The following NOTCH4 variants were observed in gnomAD, a reference collection of about 807,000 sequenced individuals.
NOTCH4 encodes notch receptor 4.
A neutral mutation model predicts 189.0 loss-of-function variants in NOTCH4; 138 were observed. The observed-to-expected ratio is 0.73, with a 90% CI of 0.64 to 0.84. The LOEUF is 0.84. Among genes scored for constraint, NOTCH4 ranks in the 40% least tolerant of loss-of-function variants. The pLI is 0.00. For missense variants in NOTCH4, 2,286 were observed against 2,605.4 expected, an observed-to-expected ratio of 0.88 and a Z score of 2.67; for synonymous variants, 942 against 1,032.8, an observed-to-expected ratio of 0.91 and a Z score of 1.69.
chr6:32,200,471 C>T lies in NOTCH4; in HGVS notation c.4315+360G>A, dbSNP rs999055225. 4.6e-5 allele frequency among the ~76,000 whole-genome samples: 7 copies of T among 152,138 alleles called. No homozygotes were observed. Among genetic ancestry groups the T allele is most frequent in the African/African-American group, 1.7e-4 (7 of 41,412 alleles). On this transcript the variant is annotated intron_variant, in intron 23 of 29. Transcript: ENST00000375023. This position sits in a 1 kb window ranked among gnomAD's most constrained non-coding sequence, Gnocchi z 5.0. ...TGATCCACCTGCCTTGGTCTCCCAACGTGCTGGGATTATAGGCATGAGCCA... is the reference window on the plus strand; with the variant it reads ...TGATCCACCTGCCTTGGTCTCCCAATGTGCTGGGATTATAGGCATGAGCCA...
At position 32,201,352 on chromosome 6, in the gene NOTCH4, C is replaced by G. The variant is rs760088986; in HGVS notation, c.3904G>C (p.Val1302Leu). 2 of 1,607,462 alleles carry G rather than the reference C, an allele frequency of 1.2e-6. No individual in the cohort carries two copies. Among genetic ancestry groups the G allele is most frequent in the Non-Finnish European group, 1.7e-6 (2 of 1,176,880 alleles). ...EWGPSLALLV[V>L]LSPPALDQQL... ...TGGTCTAGGGCTGGGGGGCTCAGTA[C>G]CACCAGCAGGGCCAGGGAGGGCCCC... The change falls in exon 22 of 30, where the codon GTA becomes CTA. Residue 1302 changes from valine (V) to leucine (L), a missense_variant. Around this residue, in one of 2 missense-constraint regions of NOTCH4, gnomAD observed 1,903 missense variants for 2,261.9 expected, o/e 0.84. Coordinates refer to ENST00000375023, the MANE Select transcript of NOTCH4 (RefSeq NM_004557.4). This position sits in a 1 kb window ranked among gnomAD's most constrained non-coding sequence, Gnocchi z 5.5.
Position 32,202,900 on chromosome 6 carries a change from A to ATAT in NOTCH4, c.3232-304_3232-302dup, listed in dbSNP as rs892532714. 2.9e-5 allele frequency: 8 copies of ATAT among 278,006 alleles called. No homozygotes were observed. Among genetic ancestry groups the ATAT allele is most frequent in the African/African-American group, 8.7e-5 (4 of 45,784 alleles). The allele number at this position is 278,006 out of a possible 1,614,324, so 17.2% of individuals were successfully genotyped here. A position where few individuals can be genotyped will look rare whatever the true frequency, so the allele number is the denominator to read the frequency against. On this transcript the variant is annotated intron_variant, in intron 20 of 29. Coordinates refer to ENST00000375023, the MANE Select transcript of NOTCH4 (RefSeq NM_004557.4). The surrounding 1 kb of genome is among the most constrained non-coding windows in gnomAD (Gnocchi z 5.7). The stretch of plus-strand genomic sequence containing the variant: ...ACTAAACAGTTAATAGAATGCTATT[A>ATAT]TATTATTATTATTATTATTTTTGAG...
At chr6:32,196,841 C>T in intron 28 of NOTCH4, 84 bp downstream of exon 28, 1 of 1,523,654 alleles carries the variant, frequency 6.6e-7, no homozygotes. Context: ...GAATGCCCCT[C>T]TGCTGCACCT....
intron 28 of NOTCH4, 106 bp from the exon 29 acceptor site, chr6:32,196,527 G>A (rs1787940405): frequency 1.4e-6 from 2 of 1,407,648 alleles, no homozygotes; most frequent in African/African-American, 2.9e-5. Flanking sequence ...GGGCCGGCTG[G>A]TCCCTCAAAG....
In NOTCH4 at chr6:32,204,309, G is replaced by T; in HGVS notation, c.2946C>A (p.Thr982=). 6.2e-7 allele frequency: 1 copy of T among 1,613,038 alleles called. No homozygotes were observed. The highest frequency in any genetic ancestry group is 8.5e-7 in the Non-Finnish European group (1 of 1,179,992). ...CQSQPCHNHG[T]CTPKPGGFHC... The stretch of plus-strand genomic sequence containing the variant: ...GGAATCCTCCAGGTTTGGGAGTACA[G>T]GTTCCATGGTTGTGACAGGGTTGGG... The change falls in exon 19 of 30, where the codon ACC becomes ACA. Residue 982 remains threonine, a synonymous_variant. Transcript: ENST00000375023.
chr6:32,222,913 T>C (rs1789880349), intron 2 of NOTCH4, 92 bp downstream of exon 2: 1 of 1,550,836 alleles, frequency 6.4e-7, no homozygotes, highest in African/African-American at 1.4e-5. Flanking sequence ...TCACTTCCTC[T>C]CTTTCTTCTT....
rs1325481269 is a variant in NOTCH4 at position 32,221,189 on chromosome 6, G to A, written c.588C>T (p.Asn196=). 1.1e-5 allele frequency: 18 copies of A among 1,613,114 alleles called. No homozygotes were observed. The highest frequency in any genetic ancestry group is 1.6e-4 in the Middle Eastern group (1 of 6,062). ...FEGHACERDV[N]ECFQDPGPCP... ...AGGGTCCTGGGTCCTGGAAGCACTC[G>A]TTGACATCACGTTCACAGGCATGGC... Residue 196 remains asparagine, a synonymous_variant, in exon 4 of 30, where the codon AAC becomes AAT. Transcript: ENST00000375023. This position sits in a 1 kb window ranked among gnomAD's most constrained non-coding sequence, Gnocchi z 4.3.
Position 32,195,722 on chromosome 6 carries a change from C to G in NOTCH4, c.5727G>C (p.Pro1909=). Reference sequence around the variant, plus strand: ...CAGAAAACCTACGGCCGCGAGGGGTCGGGCCTCCTCCTGCTCCTACTCCCG... The same window carrying G: ...CAGAAAACCTACGGCCGCGAGGGGTGGGGCCTCCTCCTGCTCCTACTCCCG... ...SLSGVGAGGG[P]TPRGRRFSAG... The change falls in exon 30 of 30, where the codon CCG becomes CCC. Residue 1909 remains proline (P), a synonymous_variant. Coordinates refer to ENST00000375023, the MANE Select transcript of NOTCH4 (RefSeq NM_004557.4). The surrounding 1 kb of genome is among the most constrained non-coding windows in gnomAD (Gnocchi z 5.4). 1.2e-6 allele frequency: 2 copies of G among 1,612,812 alleles called. No homozygotes were observed. The highest frequency in any genetic ancestry group is 1.7e-6 in the Non-Finnish European group (2 of 1,179,920).
intron 19 of NOTCH4, 23 bp from the exon 20 acceptor site, chr6:32,203,905 A>G: frequency 3.3e-6 from 5 of 1,538,410 alleles, no homozygotes; most frequent in African/African-American, 2.7e-5. Context: ...GGGAGATTAG[A>G]TGTCACACAC....
In NOTCH4 at chr6:32,220,872, A is replaced by G. The variant is rs1032973323; in HGVS notation, c.806T>C (p.Ile269Thr). 4 of 1,613,296 alleles carry G rather than the reference A, an allele frequency of 2.5e-6. No individual in the cohort carries two copies. The African/African-American group carries it at 4.0e-5, about 16-fold the overall frequency. Residue 269 changes from isoleucine (I) to threonine (T), a missense_variant, in exon 5 of 30, where the codon ATA becomes ACA. Physicochemically the swap from Ile to Thr is moderately conservative, Grantham distance 89. Transcript: ENST00000375023. ...FHLCLCPPGF[I>T]GPDCEVNPDN... is the part of the protein sequence containing the mutation. ...TGGATTCACCTCACAGTCTGGGCCT[A>G]TGAAACCTGACAGGGTCATGGATCA...
Position 32,202,622 on chromosome 6 carries a change from T to C in NOTCH4, c.3232-23A>G. 6.5e-7 allele frequency: 1 copy of C among 1,548,886 alleles called. No individual in the cohort carries two copies. Among genetic ancestry groups the C allele is most frequent in the Non-Finnish European group, 8.7e-7 (1 of 1,144,732 alleles). ...ACCCTGTGGAGGGGAGGGGAGATAT[T>C]GGAGATGCAACTTGCATTATTCTTC... On this transcript the variant is annotated intron_variant, in intron 20 of 29. Transcript: ENST00000375023. The surrounding 1 kb of genome is among the most constrained non-coding windows in gnomAD (Gnocchi z 5.7).
chr6:32,215,452 T>A, intron 11 of NOTCH4, 67 bp from the exon 12 acceptor site: 1 of 1,479,794 alleles, frequency 6.8e-7, no homozygotes, highest in Non-Finnish European at 9.1e-7. Flanking sequence ...CAAAGCCACA[T>A]CCTTCATTGG....
intron 1 of NOTCH4, among the ~76,000 whole-genome samples, chr6:32,223,568 C>T (rs528690775): frequency 7.2e-5 from 11 of 152,222 alleles, no homozygotes; most frequent in African/African-American, 2.6e-4. Flanking sequence ...CCCTCTTCCC[C>T]TCTTCCCTAT....
chr6:32,220,019 A>C, intron 7 of NOTCH4, 110 bp downstream of exon 7: 2 of 1,332,562 alleles, frequency 1.5e-6, no homozygotes, highest in Non-Finnish European at 2.1e-6. Flanking sequence ...GGCAAATTCA[A>C]GGAAAAAGAT....
At position 32,217,038 on chromosome 6, in the gene NOTCH4, CCT is replaced by C. The variant is rs779153494; in HGVS notation, c.1766_1767del (p.Glu589GlyfsTer3). The C allele has an allele frequency of 1.3e-5, 21 of 1,612,980 alleles. No individual in the cohort carries two copies. The South Asian group carries it at 2.1e-4, about 16-fold the overall frequency. On this transcript the variant is annotated frameshift_variant, in exon 11 of 30. Coordinates refer to ENST00000375023, the MANE Select transcript of NOTCH4 (RefSeq NM_004557.4). LOFTEE classifies it high-confidence loss of function. This position sits in a 1 kb window ranked among gnomAD's most constrained non-coding sequence, Gnocchi z 4.2. ...CATGGGTCACTCAGGCACTCATCCACCTCTGTTTGACAGCGTGGCCCTTCAAA... is the reference window on the plus strand; with the variant it reads ...CATGGGTCACTCAGGCACTCATCCACCTGTTTGACAGCGTGGCCCTTCAAA... ...PGFEGPRCQT[E>X]VDECLSDPCP...
chr6:32,201,449 C>T lies in NOTCH4; in HGVS notation c.3807G>A (p.Glu1269=). 2.0e-6 allele frequency: 3 copies of T among 1,530,728 alleles called. No individual in the cohort carries two copies. The highest frequency in any genetic ancestry group is 2.6e-6 in the Non-Finnish European group (3 of 1,140,664). The allele number at this position is 1,530,728 out of a possible 1,614,324, so 94.8% of individuals were successfully genotyped here. The part of the protein sequence containing the change: ...CHDHFHNGHC[E]KGCNTAECGW... Reference sequence around the variant, plus strand: ...CACACTCTGCAGTGTTGCAGCCTTTCTCACAGTGCCCGTTGTGGAAGTGAT... The same window carrying T: ...CACACTCTGCAGTGTTGCAGCCTTTTTCACAGTGCCCGTTGTGGAAGTGAT... Residue 1269 remains glutamate, a synonymous_variant, in exon 22 of 30, where the codon GAG becomes GAA. Coordinates refer to ENST00000375023, the MANE Select transcript of NOTCH4 (RefSeq NM_004557.4). This position sits in a 1 kb window ranked among gnomAD's most constrained non-coding sequence, Gnocchi z 5.5.
Position 32,200,861 on chromosome 6 carries a change from G to A in NOTCH4, c.4285C>T (p.Leu1429=). 3 of 1,608,472 alleles carry A rather than the reference G, an allele frequency of 1.9e-6. No homozygotes were observed. The highest frequency in any genetic ancestry group is 2.5e-6 in the Non-Finnish European group (3 of 1,177,952). Residue 1429 remains leucine (L), a synonymous_variant, in exon 23 of 30, where the codon CTG becomes TTG. Coordinates refer to ENST00000375023, the MANE Select transcript of NOTCH4 (RefSeq NM_004557.4). This position sits in a 1 kb window ranked among gnomAD's most constrained non-coding sequence, Gnocchi z 5.0. Reference sequence around the variant, plus strand: ...CCTGCATGAGGGTGGACAGCCAGCAGTGGTCCAGGCAGCAGGGGCTCCAGG... The same window carrying A: ...CCTGCATGAGGGTGGACAGCCAGCAATGGTCCAGGCAGCAGGGGCTCCAGG... ...GALEPLLPGP[L]LAVHPHAGTA...
chr6:32,219,551 G>A (rs1412986699), intron 8 of NOTCH4, 41 bp downstream of exon 8: 1 of 1,580,740 alleles, frequency 6.3e-7, no homozygotes, highest in South Asian at 1.1e-5. Context: ...TTCAGGACTA[G>A]TTCCCTGTTT....
rs1351382331 is a variant in NOTCH4, at chr6:32,200,127, C to A, written c.4315+704G>T. ...AGGGATACTCAACCAGCAGTACGTG[C>A]CTCATGGGGTTGTGGGGGAGGATTA... On this transcript the variant is annotated intron_variant, in intron 23 of 29. Transcript: ENST00000375023. This position sits in a 1 kb window ranked among gnomAD's most constrained non-coding sequence, Gnocchi z 5.0. 6.6e-6 allele frequency among the ~76,000 whole-genome samples: 1 copy of A among 152,104 alleles called. No homozygotes were observed. Among genetic ancestry groups the A allele is most frequent in the Non-Finnish European group, 1.5e-5 (1 of 68,028 alleles).
Sources: allele counts gnomAD v4.1 joint callset (sites outside exome capture counted in the v4.1 genomes callset), GRCh38; gene constraint gnomAD v4.1.1; regional missense constraint gnomAD v4.1.1; non-coding constraint Gnocchi (gnomAD v3.1); transcripts MANE v1.5; gene names NCBI Gene and HGNC (gene_info 2026-07-23, HGNC 2026-07-21).